The following APLF variants were observed in gnomAD, a reference collection of about 807,000 sequenced individuals.
APLF encodes aprataxin and PNK-like factor.
In APLF, 61 loss-of-function variants were observed where a neutral mutation model predicts 55.6. That is an observed-to-expected ratio of 1.10 (90% confidence interval 0.89 to 1.36). The LOEUF (loss-of-function observed/expected upper bound fraction) is 1.36, where lower values mean the gene tolerates loss of function less well. Ranked by LOEUF, APLF falls within the 40% of genes most tolerant of loss-of-function variation. The probability of loss-of-function intolerance (pLI) is 0.00; values close to 1 mark genes in which losing one functional copy is unlikely to be tolerated. For missense variants in APLF, 611 were observed against 602.5 expected, an observed-to-expected ratio of 1.01 and a Z score of -0.15; for synonymous variants, 207 against 214.8, an observed-to-expected ratio of 0.96 and a Z score of 0.32.
intron 7 of APLF, 55 bp downstream of exon 7, chr2:68,538,282 T>C: frequency 7.0e-7 from 1 of 1,420,904 alleles, no homozygotes; most frequent in African/African-American, 1.4e-5. Context: ...CGTGTAGCTA[T>C]GTAGATACAT....
intron 3 of APLF, 128 bp from the exon 4 acceptor site, chr2:68,512,952 G>T (rs984227352): frequency 1.3e-5 from 9 of 684,984 alleles, no homozygotes; most frequent in Non-Finnish European, 1.9e-5. Flanking sequence ...ATATATTCTA[G>T]TATACTATAA....
chr2:68,491,550 G>T (rs962696319), intron 2 of APLF, among the ~76,000 whole-genome samples: 2 of 152,092 alleles, frequency 1.3e-5, no homozygotes, highest in Non-Finnish European at 2.9e-5. Flanking sequence ...GAACTACCAT[G>T]GCCTAAAATA....
At chr2:68,508,718 T>G (rs1676950350) in intron 3 of APLF, among the ~76,000 whole-genome samples, 1 of 152,002 alleles carries the variant, frequency 6.6e-6, no homozygotes, top group African/African-American at 2.4e-5. Context: ...TGGAAAAAAC[T>G]ACTTTAAAGT....
chr2:68,494,660 C>G (rs999201598), intron 2 of APLF, among the ~76,000 whole-genome samples: 1 of 152,128 alleles, frequency 6.6e-6, no homozygotes, highest in African/African-American at 2.4e-5. Flanking sequence ...TCCCACCCTC[C>G]ACTCTTTAGT....
chr2:68,479,643 C>G (rs1487475861), intron 1 of APLF, among the ~76,000 whole-genome samples: 3 of 152,120 alleles, frequency 2.0e-5, no homozygotes, highest in African/African-American at 7.2e-5. Context: ...CAACATGGAC[C>G]TTTCTATGAT....
chr2:68,521,053 C>A (rs1163062333), intron 5 of APLF, among the ~76,000 whole-genome samples: 1 of 151,486 alleles, frequency 6.6e-6, no homozygotes, highest in Non-Finnish European at 1.5e-5. Context: ...AGGTATATTC[C>A]TGTTTTGTTT....
At chr2:68,528,025 G>T (rs878870992) in intron 6 of APLF, among the ~76,000 whole-genome samples, 1 of 151,086 alleles carries the variant, frequency 6.6e-6, no homozygotes. Flanking sequence ...GAGGGCGGGG[G>T]CTAGGCAGAG....
chr2:68,518,414 T>C (rs1240633094), intron 5 of APLF, among the ~76,000 whole-genome samples: 1 of 111,070 alleles, frequency 9.0e-6, no homozygotes, highest in African/African-American at 3.8e-5. Flanking sequence ...ATATTATATA[T>C]TATATAATAA....
intron 1 of APLF, among the ~76,000 whole-genome samples, chr2:68,475,883 A>T (rs568458873): frequency 5.2e-4 from 78 of 150,504 alleles, no homozygotes; most frequent in African/African-American, 1.8e-3. Context: ...TAAGTCTTTT[A>T]TATATATATA....
chr2:68,556,803 TGA>T (rs1671028567), intron 8 of APLF, among the ~76,000 whole-genome samples: 1 of 152,176 alleles, frequency 6.6e-6, no homozygotes, highest in African/African-American at 2.4e-5. Context: ...TAATGTCTTC[TGA>T]GAGGGAAGGC....
At chr2:68,501,525 C>G (rs1250227813) in intron 2 of APLF, among the ~76,000 whole-genome samples, 1 of 151,918 alleles carries the variant, frequency 6.6e-6, no homozygotes, top group Non-Finnish European at 1.5e-5. Flanking sequence ...GACAAAATGC[C>G]TATTTGACTT....
At chr2:68,503,323 C>T (rs1050201309) in intron 3 of APLF, among the ~76,000 whole-genome samples, 5 of 151,940 alleles carry the variant, frequency 3.3e-5, no homozygotes. Flanking sequence ...ATAAAAATAG[C>T]AGAAAATATA....
rs1404222462 is a variant in APLF, at chr2:68,494,276, T to TCAA, written c.168+4016_168+4018dup. ...CTAGGAGACAGAGTGAGACCCCGTCTCAAAAAAAAAAAAAAAAAAAAAAAA... is the reference window on the plus strand; with the variant it reads ...CTAGGAGACAGAGTGAGACCCCGTCTCAACAAAAAAAAAAAAAAAAAAAAAAAA... On this transcript the variant is annotated intron_variant, in intron 2 of 9. Coordinates refer to ENST00000303795, the MANE Select transcript of APLF (RefSeq NM_173545.3). 2.5e-4 allele frequency among the ~76,000 whole-genome samples: 9 copies of TCAA among 36,118 alleles called. 1 individual carries two copies. The highest frequency in any genetic ancestry group is 1.0e-3 in the African/African-American group (8 of 7,916). The allele number at this position is 36,118 out of a possible 152,430, so 23.7% of individuals were successfully genotyped here.
At position 68,467,606 on chromosome 2, in the gene APLF, G is replaced by A. The variant is rs1675467559; in HGVS notation, c.-126G>A. 1.4e-6 allele frequency: 1 copy of A among 734,656 alleles called. No individual in the cohort carries two copies. The highest frequency in any genetic ancestry group is 7.1e-5 in the South Asian group (1 of 14,106). The allele number at this position is 734,656 out of a possible 1,614,324, so 45.5% of individuals were successfully genotyped here. A position where few individuals can be genotyped will look rare whatever the true frequency, so the allele number is the denominator to read the frequency against. ...CTCTGAGAGGACCGGCGCAGCCGCG[G>A]GGAGCCTTTGAGGCCCTCCCTCGGT... On this transcript the variant is annotated 5_prime_UTR_variant, in exon 1 of 10. Transcript: ENST00000303795.
intron 3 of APLF, among the ~76,000 whole-genome samples, chr2:68,508,640 C>T (rs1282200235): frequency 6.6e-6 from 1 of 151,826 alleles, no homozygotes; most frequent in Admixed American, 6.6e-5. Context: ...CTTCTAAGGA[C>T]ACAGTTAAGA....
intron 9 of APLF, among the ~76,000 whole-genome samples, chr2:68,575,636 C>T (rs1342910915): frequency 6.7e-6 from 1 of 150,170 alleles, no homozygotes; most frequent in Non-Finnish European, 1.5e-5. Flanking sequence ...AACAGGATCT[C>T]TTGAGGTATT....
At chr2:68,571,904 G>A (rs1441047467) in intron 9 of APLF, among the ~76,000 whole-genome samples, 2 of 152,000 alleles carry the variant, frequency 1.3e-5, no homozygotes, top group Non-Finnish European at 2.9e-5. Flanking sequence ...TCTAATTATT[G>A]GGGTCCTCCT....
chr2:68,506,239 T>C (rs112253547), intron 3 of APLF, among the ~76,000 whole-genome samples: 2,057 of 137,354 alleles, frequency 0.015, 45 homozygotes, highest in African/African-American at 0.066. Flanking sequence ...TAATGATGAG[T>C]TAACCCTAGT....
intron 5 of APLF, among the ~76,000 whole-genome samples, chr2:68,523,374 C>T (rs1669946695): frequency 1.3e-5 from 2 of 151,848 alleles, no homozygotes; most frequent in African/African-American, 4.8e-5. Flanking sequence ...CTTTCAAAGT[C>T]ACTTGTAGTG....
Sources: gnomAD v4.1 joint callset for allele counts (sites outside exome capture counted in the v4.1 genomes callset) on GRCh38, gnomAD v4.1.1 for gene constraint, MANE v1.5 for transcripts, NCBI Gene and HGNC (gene_info 2026-07-23, HGNC 2026-07-21) for gene names.